COL25A1: variants seen among roughly 807,000 people sequenced by gnomAD.
COL25A1 encodes collagen alpha-1(XXV) chain.
COL25A1 carries 103 observed loss-of-function variants against 128.4 expected under a neutral mutation model. The ratio of observed to expected loss-of-function variants is 0.80; its 90% CI spans 0.68 to 0.94. The LOEUF (loss-of-function observed/expected upper bound fraction) is 0.94, where lower values mean the gene tolerates loss of function less well. Ranked by LOEUF, COL25A1 falls within the 40% of genes least tolerant of loss-of-function variation. The pLI, the probability that COL25A1 is intolerant of heterozygous loss-of-function variation, is 0.00. For missense variants in COL25A1, 745 were observed against 840.0 expected (o/e 0.89, Z 1.40); for synonymous variants, 279 against 277.2 (o/e 1.01, Z -0.06).
chr4:108,819,431 C>A, intron 35 of COL25A1, 102 bp from the exon 36 acceptor site: 1 of 898,238 alleles, frequency 1.1e-6, no homozygotes, highest in South Asian at 1.6e-5. Flanking sequence ...GGGAGAGGAG[C>A]AACTCTGAAG....
At chr4:108,942,443 C>CTT (rs113261936) in intron 8 of COL25A1, among the ~76,000 whole-genome samples, 6 of 146,924 alleles carry the variant, frequency 4.1e-5, no homozygotes, top group African/African-American at 9.9e-5. Context: ...CAAAATAAAC[C>CTT]TTTTTTTTTT....
At chr4:109,269,601 C>T (rs1479140326) in intron 3 of COL25A1, among the ~76,000 whole-genome samples, 1 of 150,412 alleles carries the variant, frequency 6.6e-6, no homozygotes, top group East Asian at 1.9e-4. Context: ...CCTGTTGTTT[C>T]CTGACTTTTT....
At chr4:109,297,368 T>A (rs1354395793) in intron 3 of COL25A1, among the ~76,000 whole-genome samples, 2 of 152,158 alleles carry the variant, frequency 1.3e-5, no homozygotes, top group Non-Finnish European at 2.9e-5. Context: ...CTTCTTTTTG[T>A]AAACATCTGG....
intron 8 of COL25A1, among the ~76,000 whole-genome samples, chr4:108,950,484 C>T (rs1749284121): frequency 1.3e-5 from 2 of 152,200 alleles, no homozygotes; most frequent in South Asian, 2.1e-4. Flanking sequence ...TGGCTAGCCA[C>T]TCTCAAAGGG....
intron 3 of COL25A1, among the ~76,000 whole-genome samples, chr4:109,089,779 T>C (rs1217609957): frequency 2.6e-5 from 4 of 152,078 alleles, no homozygotes; most frequent in African/African-American, 9.7e-5. Flanking sequence ...CTAATTTTTA[T>C]ATTTGTAGTT....
chr4:108,919,716 AG>A (rs1299936322), intron 12 of COL25A1, among the ~76,000 whole-genome samples: 1 of 152,050 alleles, frequency 6.6e-6, no homozygotes, highest in African/African-American at 2.4e-5. Context: ...GCTATAGGAT[AG>A]GTGTAATTTT....
Position 108,900,314 on chromosome 4 carries a change from C to A in COL25A1, c.834+805G>T, listed in dbSNP as rs145818022. ...TCCCAGAAGGAATATTTTCTTTCCT[C>A]TCCTGCAGGACAAAGAACAGGTCTA... is the stretch of plus-strand genomic sequence containing the variant. On this transcript the variant is annotated intron_variant, in intron 14 of 37. Coordinates refer to ENST00000399132, the MANE Select transcript of COL25A1 (RefSeq NM_198721.4). 2.8e-4 allele frequency among the ~76,000 whole-genome samples: 43 copies of A among 152,296 alleles called. No individual in the cohort carries two copies. The East Asian group carries it at 7.9e-3, about 28-fold the overall frequency.
intron 3 of COL25A1, among the ~76,000 whole-genome samples, chr4:109,283,678 G>A (rs1215301776): frequency 1.3e-5 from 2 of 152,190 alleles, no homozygotes; most frequent in African/African-American, 4.8e-5. Flanking sequence ...TGACATTTGA[G>A]TTTGCCATCT....
At chr4:108,832,321 GA>G in intron 32 of COL25A1, 58 bp downstream of exon 32, 1 of 1,195,128 alleles carries the variant, frequency 8.4e-7, no homozygotes, top group South Asian at 1.3e-5. Flanking sequence ...AATTAATATG[GA>G]AAAGCCATGC....
intron 31 of COL25A1, among the ~76,000 whole-genome samples, chr4:108,834,953 T>C (rs534721504): frequency 4.6e-5 from 7 of 152,312 alleles, no homozygotes; most frequent in African/African-American, 1.7e-4. Context: ...CTCATTGTTT[T>C]CTGGGTTGTT....
intron 3 of COL25A1, among the ~76,000 whole-genome samples, chr4:109,205,225 T>C (rs1391164931): frequency 2.0e-5 from 3 of 152,190 alleles, no homozygotes; most frequent in Non-Finnish European, 1.5e-5. Context: ...AGTTGATACA[T>C]ATCTTAAAAT....
intron 19 of COL25A1, among the ~76,000 whole-genome samples, chr4:108,879,366 A>G (rs1241272225): frequency 1.4e-5 from 2 of 144,556 alleles, no homozygotes; most frequent in African/African-American, 2.5e-5. Flanking sequence ...TTACTGTATT[A>G]CACCTCCCTT....
chr4:108,834,328 T>C (rs1448748588), intron 31 of COL25A1: 4 of 1,549,738 alleles, frequency 2.6e-6, no homozygotes, highest in Non-Finnish European at 3.5e-6. Flanking sequence ...ACAAAACATG[T>C]CAGAGCAAGA....
chr4:109,204,814 C>T (rs941115694), intron 3 of COL25A1, among the ~76,000 whole-genome samples: 9 of 151,992 alleles, frequency 5.9e-5, no homozygotes, highest in African/African-American at 2.2e-4. Flanking sequence ...CACCCGGGAC[C>T]CCAAAAATTA....
chr4:109,265,992 A>G (rs1467139689), intron 3 of COL25A1, among the ~76,000 whole-genome samples: 4 of 151,546 alleles, frequency 2.6e-5, no homozygotes, highest in Admixed American at 6.6e-5. Context: ...CCTGCTACCA[A>G]TACTACCTCC....
At chr4:108,972,401 A>T (rs2125986270) in intron 8 of COL25A1, among the ~76,000 whole-genome samples, 1 of 152,298 alleles carries the variant, frequency 6.6e-6, no homozygotes, top group East Asian at 1.9e-4. Flanking sequence ...TGTTTTTTGA[A>T]ATATAGAACC....
intron 3 of COL25A1, among the ~76,000 whole-genome samples, chr4:109,249,040 C>T (rs1160134797): frequency 6.6e-6 from 1 of 152,128 alleles, no homozygotes; most frequent in African/African-American, 2.4e-5. Context: ...GATATTTTAT[C>T]AACTTAACTA....
chr4:108,814,031 TAG>T (rs1313808398), intron 37 of COL25A1, 102 bp from the exon 38 acceptor site: 9 of 896,816 alleles, frequency 1.0e-5, no homozygotes, highest in Non-Finnish European at 1.4e-5. Flanking sequence ...GAACCTTGAA[TAG>T]AGTCTATAAG....
intron 3 of COL25A1, among the ~76,000 whole-genome samples, chr4:109,233,788 T>C (rs975156921): frequency 5.3e-5 from 8 of 152,164 alleles, no homozygotes; most frequent in East Asian, 1.9e-4. Flanking sequence ...TGGGTAATTA[T>C]AGGCTTCCAG....
Sources: allele counts gnomAD v4.1 joint callset (sites outside exome capture counted in the v4.1 genomes callset), GRCh38; gene constraint gnomAD v4.1.1; transcripts MANE v1.5; gene names NCBI Gene and HGNC (gene_info 2026-07-23, HGNC 2026-07-21).